Variants in TAMM41 observed in about 807,000 individuals in gnomAD.
The protein encoded by TAMM41 is TAM41 mitochondrial translocator assembly and maintenance homolog.
TAMM41 carries 36 observed loss-of-function variants against 44.1 expected under a neutral mutation model. The observed-to-expected ratio is 0.82, with a 90% CI of 0.63 to 1.08. TAMM41 has a LOEUF of 1.08. TAMM41 is among the 50% of genes least tolerant of loss of function. The pLI, the probability that TAMM41 is intolerant of heterozygous loss-of-function variation, is 0.00. For synonymous variants in TAMM41, 164 were observed against 153.1 expected (o/e 1.07, Z -0.53); for missense variants, 417 against 404.3 (o/e 1.03, Z -0.27).
At chr3:11,790,064 G>A (rs917622378), downstream of TAMM41, among the ~76,000 whole-genome samples, 23 of 152,104 alleles carry the variant, frequency 1.5e-4, 1 homozygote, top group Admixed American at 1.5e-3. Context: ...TAGATCCAGG[G>A]AAATGTTGAC....
intron 7 of TAMM41, among the ~76,000 whole-genome samples, chr3:11,795,397 C>G (rs951603185): frequency 6.6e-5 from 10 of 152,172 alleles, no homozygotes; most frequent in Non-Finnish European, 1.5e-4. Context: ...GTCCCATATC[C>G]CTTTAGTCAC....
the TAMM41 span, among the ~76,000 whole-genome samples, chr3:11,724,134 C>G: frequency 6.6e-6 from 1 of 151,334 alleles, no homozygotes; most frequent in Non-Finnish European, 1.5e-5. Context: ...GAGATGGAGT[C>G]TCACTCTTGC....
chr3:11,806,737 G>A (rs2077920593), intron 7 of TAMM41, among the ~76,000 whole-genome samples: 1 of 151,946 alleles, frequency 6.6e-6, no homozygotes, highest in African/African-American at 2.4e-5. Flanking sequence ...CAACAGAAAG[G>A]GCAATGAATT....
the TAMM41 span, among the ~76,000 whole-genome samples, chr3:11,729,979 G>A: frequency 6.6e-6 from 1 of 152,134 alleles, no homozygotes; most frequent in African/African-American, 2.4e-5. Flanking sequence ...ACATTTGCAC[G>A]GGCAGTGCAA....
the TAMM41 span, among the ~76,000 whole-genome samples, chr3:11,775,103 G>A: frequency 1.3e-5 from 2 of 151,914 alleles, no homozygotes; most frequent in Admixed American, 1.3e-4. Context: ...TCCTGACCTC[G>A]TGATCCACCC....
chr3:11,746,267 G>A, the TAMM41 span, among the ~76,000 whole-genome samples: 1 of 144,322 alleles, frequency 6.9e-6, no homozygotes, highest in Non-Finnish European at 1.5e-5. Flanking sequence ...TCGCACCACT[G>A]CACTCCAGCC....
At chr3:11,777,252 A>T in the TAMM41 span, among the ~76,000 whole-genome samples, 1 of 152,052 alleles carries the variant, frequency 6.6e-6, no homozygotes, top group Non-Finnish European at 1.5e-5. Flanking sequence ...AATACATATA[A>T]TTTTTTTTGT....
Position 11,846,871 on chromosome 3 carries a change from A to T in TAMM41, c.-235T>A. The T allele has an allele frequency of 3.7e-6, 2 of 540,598 alleles. No homozygotes were observed. Among genetic ancestry groups the T allele is most frequent in the Non-Finnish European group, 6.7e-6 (2 of 300,446 alleles). 33.5% of individuals were successfully genotyped at this position (540,598 alleles called of 1,614,324 possible). On this transcript the variant is annotated 5_prime_UTR_variant, in exon 1 of 8. Coordinates refer to ENST00000455809, the MANE Select transcript of TAMM41 (RefSeq NM_001284401.2). ...AGGCTCGGGTGGGCGGCGGTCGCAC[A>T]GGCAGAGCTTCCGTCCCTTGCTACG... is the stretch of plus-strand genomic sequence containing the variant.
the TAMM41 span, among the ~76,000 whole-genome samples, chr3:11,770,087 T>C: frequency 1.3e-5 from 2 of 152,220 alleles, no homozygotes; most frequent in Non-Finnish European, 2.9e-5. Flanking sequence ...GAAGAATTGG[T>C]TCAATCTCAT....
In TAMM41 at chr3:11,839,303, A is replaced by G. The variant is rs1241667312; in HGVS notation, c.330T>C (p.Tyr110=). ...TCAGAACGTTAGTGCTAATAACTCC[A>G]TATTTGATAAGCTGAAGGAAAAAAG... The part of the protein sequence containing the change: ...LIMCNGRLIK[Y]GVISTNVLIE... The change falls in exon 3 of 8, where the codon TAT becomes TAC. Residue 110 remains tyrosine (Y), a synonymous_variant. Coordinates refer to ENST00000455809, the MANE Select transcript of TAMM41 (RefSeq NM_001284401.2). 4.4e-6 allele frequency: 7 copies of G among 1,608,992 alleles called. No individual in the cohort carries two copies. The highest frequency in any genetic ancestry group is 6.0e-6 in the Non-Finnish European group (7 of 1,176,192).
the TAMM41 span, among the ~76,000 whole-genome samples, chr3:11,773,822 G>A: frequency 6.6e-6 from 1 of 152,188 alleles, no homozygotes; most frequent in Non-Finnish European, 1.5e-5. Context: ...GGGTGCGGTG[G>A]CTCAGCCTGT....
At chr3:11,749,087 A>G in the TAMM41 span, among the ~76,000 whole-genome samples, 1 of 151,476 alleles carries the variant, frequency 6.6e-6, no homozygotes, top group Non-Finnish European at 1.5e-5. Context: ...TAATTTTTGT[A>G]TTTTTAGTAG....
chr3:11,747,423 G>A, the TAMM41 span, among the ~76,000 whole-genome samples: 2 of 152,072 alleles, frequency 1.3e-5, no homozygotes, highest in African/African-American at 2.4e-5. Context: ...GGTTACATAG[G>A]CATATGTGAT....
the TAMM41 span, among the ~76,000 whole-genome samples, chr3:11,732,972 A>G: frequency 6.7e-6 from 1 of 149,452 alleles, no homozygotes; most frequent in Non-Finnish European, 1.5e-5. Flanking sequence ...TTTAGGGATT[A>G]GGGTAATATG....
the TAMM41 span, among the ~76,000 whole-genome samples, chr3:11,728,263 G>A: frequency 5.9e-5 from 9 of 152,224 alleles, no homozygotes; most frequent in African/African-American, 2.2e-4. Context: ...CCCACCTGCT[G>A]TGTGTAAGAC....
At chr3:11,829,400 A>G in intron 4 of TAMM41, among the ~76,000 whole-genome samples, 1 of 152,244 alleles carries the variant, frequency 6.6e-6, no homozygotes, top group African/African-American at 2.4e-5. Context: ...CAATGTTAAA[A>G]TTGGCGAATC....
the TAMM41 span, among the ~76,000 whole-genome samples, chr3:11,732,868 G>T: frequency 6.6e-6 from 1 of 152,122 alleles, no homozygotes; most frequent in Non-Finnish European, 1.5e-5. Context: ...ATAGGGGTTG[G>T]GGGGACAAAT....
chr3:11,774,788 T>A, the TAMM41 span, among the ~76,000 whole-genome samples: 1 of 152,120 alleles, frequency 6.6e-6, no homozygotes, highest in African/African-American at 2.4e-5. Flanking sequence ...TCTCCCTGGG[T>A]CTTGCTGATA....
chr3:11,730,093 A>T, the TAMM41 span, among the ~76,000 whole-genome samples: 1 of 152,082 alleles, frequency 6.6e-6, no homozygotes, highest in Non-Finnish European at 1.5e-5. Flanking sequence ...TAAATAAATA[A>T]TTGCATTTGG....
Sources: allele counts gnomAD v4.1 joint callset (sites outside exome capture counted in the v4.1 genomes callset), GRCh38; gene constraint gnomAD v4.1.1; transcripts MANE v1.5; gene names NCBI Gene and HGNC (gene_info 2026-07-23, HGNC 2026-07-21).